The following UBE3A variants were observed in gnomAD, a reference collection of about 807,000 sequenced individuals.
The protein encoded by UBE3A is ubiquitin-protein ligase E3A.
In UBE3A, 6 loss-of-function variants were observed where a neutral mutation model predicts 83.4. The observed-to-expected ratio is 0.07, with a 90% CI of 0.04 to 0.14. UBE3A has a LOEUF of 0.14. UBE3A is among the 10% of genes least tolerant of loss of function. UBE3A has a pLI of 1.00. For synonymous variants in UBE3A, 337 were observed against 355.4 expected (o/e 0.95, Z 0.58); for missense variants, 456 against 1,036.1 (o/e 0.44, Z 7.69).
intron 6 of UBE3A, among the ~76,000 whole-genome samples, chr15:25,369,543 T>C (rs2079953349): frequency 6.6e-6 from 1 of 152,168 alleles, no homozygotes; most frequent in African/African-American, 2.4e-5. Context: ...TCACATTTCC[T>C]AGTTGTCTGT....
chr15:25,425,103 C>G (rs913942270), intron 1 of UBE3A, among the ~76,000 whole-genome samples: 1 of 152,040 alleles, frequency 6.6e-6, no homozygotes, highest in Non-Finnish European at 1.5e-5. Context: ...TCAAGACTTA[C>G]TACAAAGCTA....
chr15:25,437,477 G>A (rs539303439), intron 1 of UBE3A, among the ~76,000 whole-genome samples: 1 of 152,250 alleles, frequency 6.6e-6, no homozygotes, highest in East Asian at 1.9e-4. Context: ...ATAATTTGCT[G>A]CTTCTCTCAA....
chr15:25,411,388 G>C (rs1000696903), intron 2 of UBE3A, among the ~76,000 whole-genome samples: 1 of 152,170 alleles, frequency 6.6e-6, no homozygotes, highest in Non-Finnish European at 1.5e-5. Context: ...CCAGGAGTTC[G>C]AGACTAGCCT....
At chr15:25,394,718 A>C (rs1232389557) in intron 4 of UBE3A, among the ~76,000 whole-genome samples, 1 of 152,236 alleles carries the variant, frequency 6.6e-6, no homozygotes. Context: ...GGCTGTGTAC[A>C]TACTTATCAG....
intron 11 of UBE3A, among the ~76,000 whole-genome samples, chr15:25,351,176 A>ATGAT (rs2076438094): frequency 6.6e-6 from 1 of 152,208 alleles, no homozygotes; most frequent in African/African-American, 2.4e-5. Context: ...ATTATCGTAT[A>ATGAT]TGATATGTAC....
chr15:25,401,091 T>C (rs2086966543), intron 4 of UBE3A, among the ~76,000 whole-genome samples: 1 of 152,198 alleles, frequency 6.6e-6, no homozygotes, highest in Non-Finnish European at 1.5e-5. Context: ...GCCTTTGTTC[T>C]CCTAATGTTG....
intron 4 of UBE3A, among the ~76,000 whole-genome samples, chr15:25,391,985 T>C (rs913178790): frequency 2.6e-5 from 4 of 151,764 alleles, no homozygotes; most frequent in African/African-American, 9.7e-5. Flanking sequence ...TGAAGAAGAA[T>C]AAGTTCAGGT....
intron 4 of UBE3A, among the ~76,000 whole-genome samples, chr15:25,384,100 A>C (rs2082661843): frequency 6.6e-6 from 1 of 152,200 alleles, no homozygotes; most frequent in African/African-American, 2.4e-5. Context: ...TTAAAATGAA[A>C]TCAAAGAGTA....
At chr15:25,409,678 G>T (rs767606703) in intron 2 of UBE3A, among the ~76,000 whole-genome samples, 1 of 152,070 alleles carries the variant, frequency 6.6e-6, no homozygotes, top group Non-Finnish European at 1.5e-5. Context: ...GCTATACTGG[G>T]TTTCAAGATT....
rs2073953948 is a variant in UBE3A at position 25,336,225 on chromosome 15, T to C, written c.*2912A>G. The C allele has an allele frequency of 2.6e-5, 4 of 152,070 alleles. No homozygotes were observed. The highest frequency in any genetic ancestry group is 6.6e-5 in the Admixed American group (1 of 15,256). 9.4% of individuals were successfully genotyped at this position (152,070 alleles called of 1,614,324 possible). ...GAAGGTGTGTTTTTGGATTATACAG[T>C]GGCTCATGGAAGGGTGGGAGGGGTA... On this transcript the variant is annotated 3_prime_UTR_variant, in exon 13 of 13. Transcript: ENST00000648336.
intron 4 of UBE3A, among the ~76,000 whole-genome samples, chr15:25,390,699 T>C (rs1221411297): frequency 6.6e-6 from 1 of 152,132 alleles, no homozygotes; most frequent in Non-Finnish European, 1.5e-5. Context: ...GATATAATGG[T>C]AGATACATGT....
At chr15:25,378,233 A>G (rs2081556177) in intron 4 of UBE3A, among the ~76,000 whole-genome samples, 1 of 152,178 alleles carries the variant, frequency 6.6e-6, no homozygotes, top group Admixed American at 6.5e-5. Context: ...AACTTGTCAG[A>G]TACATAGTAC....
chr15:25,384,562 T>C (rs1367231047), intron 4 of UBE3A, among the ~76,000 whole-genome samples: 1 of 151,668 alleles, frequency 6.6e-6, no homozygotes, highest in African/African-American at 2.4e-5. Context: ...AATTGGAAGA[T>C]TTAGTACTGT....
intron 1 of UBE3A, among the ~76,000 whole-genome samples, chr15:25,423,962 C>T (rs1025169580): frequency 5.3e-5 from 8 of 152,164 alleles, no homozygotes; most frequent in African/African-American, 1.9e-4. Flanking sequence ...CCATTTCAGT[C>T]ACGTCTTAAT....
At chr15:25,398,885 C>A (rs534841256) in intron 4 of UBE3A, among the ~76,000 whole-genome samples, 4 of 143,712 alleles carry the variant, frequency 2.8e-5, no homozygotes, top group African/African-American at 1.0e-4. Context: ...TCTGAGCAAA[C>A]GTCATGCTAT....
intron 1 of UBE3A, chr15:25,438,091 A>C (rs1051047895): frequency 6.6e-6 from 1 of 152,282 alleles, no homozygotes; most frequent in African/African-American, 2.4e-5. Flanking sequence ...AAGAGAGCCA[A>C]AAACCTTGAA....
At chr15:25,367,250 CATATTTGTAAATATGT>C (rs2079408420) in intron 6 of UBE3A, among the ~76,000 whole-genome samples, 14 of 71,736 alleles carry the variant, frequency 2.0e-4, no homozygotes, top group Non-Finnish European at 3.3e-4. Context: ...TAAATATTTG[CATATTTGTAAATATGT>C]AAATATTTAC....
intron 11 of UBE3A, chr15:25,345,749 G>A (rs1319111391): frequency 2.6e-5 from 4 of 151,494 alleles, no homozygotes; most frequent in African/African-American, 7.3e-5. Flanking sequence ...GAGCTAAAAA[G>A]AATTTAAAAA....
At chr15:25,382,284 G>A (rs2152899870) in intron 4 of UBE3A, among the ~76,000 whole-genome samples, 1 of 151,820 alleles carries the variant, frequency 6.6e-6, no homozygotes. Context: ...CAGAGCCACT[G>A]CACTGTGGCC....
Sources: allele counts gnomAD v4.1 joint callset (sites outside exome capture counted in the v4.1 genomes callset), GRCh38; gene constraint gnomAD v4.1.1; transcripts MANE v1.5; gene names NCBI Gene and HGNC (gene_info 2026-07-23, HGNC 2026-07-21).